NPC1: variants seen among roughly 807,000 people sequenced by gnomAD.
The protein encoded by NPC1 is NPC intracellular cholesterol transporter 1.
Under a neutral mutation model 140.4 loss-of-function variants are expected in NPC1, and 85 were observed. That is an observed-to-expected ratio of 0.61 (90% confidence interval 0.51 to 0.72). The LOEUF is 0.72. Ranked by LOEUF, NPC1 falls within the 30% of genes least tolerant of loss-of-function variation. The pLI is 0.00. For missense variants in NPC1, 1,504 were observed against 1,623.8 expected, an observed-to-expected ratio of 0.93 and a Z score of 1.27; for synonymous variants, 656 against 624.8, an observed-to-expected ratio of 1.05 and a Z score of -0.74.
downstream of NPC1, among the ~76,000 whole-genome samples, chr18:23,527,405 AAATAAT>A (rs369275891): frequency 9.9e-5 from 15 of 151,646 alleles, no homozygotes; most frequent in South Asian, 4.2e-4. Context: ...ATCCAAAAAA[AAATAAT>A]AATAATAATC....
Position 23,557,120 on chromosome 18 carries a change from T to C in NPC1, c.952A>G (p.Lys318Glu). ...NIAFSVNASD[K>E]GEASCCDPVS... ...ATTCATGGACAAATATGCCTACCTT[T>C]GTCACTTGCATTAACAGAAAAAGCT... Residue 318 changes from lysine to glutamate, a missense_variant, in exon 7 of 25, where the codon AAA becomes GAA. Lys to Glu is a moderately conservative substitution (Grantham distance 56). Transcript: ENST00000269228. 1 of 1,611,718 alleles carries C rather than the reference T, an allele frequency of 6.2e-7. No individual in the cohort carries two copies.
chr18:23,538,753 G>C, intron 19 of NPC1, 82 bp from the exon 20 acceptor site: 1 of 1,416,336 alleles, frequency 7.1e-7, no homozygotes, highest in Non-Finnish European at 9.9e-7. Flanking sequence ...CTGACAGTGA[G>C]GGGCATTACT....
intron 4 of NPC1, among the ~76,000 whole-genome samples, chr18:23,564,352 C>CTT (rs201248333): frequency 2.6e-5 from 4 of 151,652 alleles, no homozygotes; most frequent in Non-Finnish European, 5.9e-5. Flanking sequence ...TATTCTTGTC[C>CTT]TTTTTTTTGA....
In NPC1 at chr18:23,550,479, C is replaced by CTTTTT. The variant is rs68163205; in HGVS notation, c.1654+1143_1654+1147dup. 4.1e-3 allele frequency among the ~76,000 whole-genome samples: 305 copies of CTTTTT among 74,918 alleles called. 42 individuals are homozygous for CTTTTT. Among genetic ancestry groups the CTTTTT allele is most frequent in the Non-Finnish European group, 5.6e-3 (251 of 44,904 alleles). 49.1% of individuals were successfully genotyped at this position (74,918 alleles called of 152,430 possible). On this transcript the variant is annotated intron_variant, in intron 10 of 24. Coordinates refer to ENST00000269228, the MANE Select transcript of NPC1 (RefSeq NM_000271.5). ...GAATTTTCTTCCAGTTCTTACATTTCTTTTTTTTTTTTTTTTTTTTGAGAT... is the reference window on the plus strand; with the variant it reads ...GAATTTTCTTCCAGTTCTTACATTTCTTTTTTTTTTTTTTTTTTTTTTTTTGAGAT...
chr18:23,535,361 A>C (rs989043599), intron 22 of NPC1, 108 bp downstream of exon 22: 10 of 841,492 alleles, frequency 1.2e-5, no homozygotes, highest in Non-Finnish European at 1.8e-5. Flanking sequence ...AGCAAGCGCC[A>C]GACTTGGTAT....
rs1436759439 is a variant in NPC1 at position 23,512,588 on chromosome 18, AT to A, written c.432-5947del. On this transcript the variant is annotated intron_variant, in intron 3 of 3. Coordinates refer to the NPC1 transcript ENST00000591107. ...GGTGTGTGCCAGCACGCCCAACTTA[AT>A]TTTTTTTTCCTTTTTTTTTTTTTGT... Among the ~76,000 whole-genome samples the A allele has an allele frequency of 5.2e-3, 740 of 142,108 alleles. 6 individuals carry two copies. The highest frequency in any genetic ancestry group is 0.018 in the African/African-American group (700 of 38,318). The allele number at this position is 142,108 out of a possible 152,430, so 93.2% of individuals were successfully genotyped here.
downstream of NPC1, chr18:23,526,583 G>A: frequency 6.3e-7 from 1 of 1,588,676 alleles, no homozygotes; most frequent in Non-Finnish European, 8.6e-7. Context: ...CCACTTTTGG[G>A]CTTTTGTTAC....
intron 3 of NPC1, among the ~76,000 whole-genome samples, chr18:23,515,663 G>T (rs970230835): frequency 6.6e-6 from 1 of 152,164 alleles, no homozygotes; most frequent in Non-Finnish European, 1.5e-5. Context: ...CTTCTGAGTA[G>T]CTGGAATTAC....
intron 3 of NPC1, among the ~76,000 whole-genome samples, chr18:23,514,954 G>GA (rs1236762675): frequency 6.6e-6 from 1 of 152,114 alleles, no homozygotes; most frequent in Non-Finnish European, 1.5e-5. Context: ...AGGGTACATT[G>GA]AAAATGTGCC....
chr18:23,528,125 C>A, downstream of NPC1: 2 of 448,898 alleles, frequency 4.5e-6, no homozygotes, highest in Admixed American at 4.0e-5. Flanking sequence ...TTCATACCTT[C>A]ACTGTTTTTG....
Position 23,563,533 on chromosome 18 carries a change from C to T in NPC1, c.464-2006G>A, listed in dbSNP as rs139610758. ...GCCCCTCAGGCTCAAGTGATCCTCC[C>T]ACTTCAGCCTCTCAAGTAGCTGGGA... On this transcript the variant is annotated intron_variant, in intron 4 of 24. Coordinates refer to ENST00000269228, the MANE Select transcript of NPC1 (RefSeq NM_000271.5). 2.9e-3 allele frequency among the ~76,000 whole-genome samples: 448 copies of T among 152,230 alleles called. 5 individuals are homozygous for T. The highest frequency in any genetic ancestry group is 0.01 in the African/African-American group (428 of 41,540).
chr18:23,570,269 T>C (rs1409422104), intron 3 of NPC1, among the ~76,000 whole-genome samples: 2 of 152,262 alleles, frequency 1.3e-5, no homozygotes, highest in African/African-American at 4.8e-5. Flanking sequence ...TTCTCCTGTT[T>C]GCTATTATAA....
downstream of NPC1, among the ~76,000 whole-genome samples, chr18:23,524,927 T>C (rs2145247480): frequency 6.6e-6 from 1 of 150,896 alleles, no homozygotes; most frequent in South Asian, 2.1e-4. Flanking sequence ...GGGTAATCTC[T>C]TTATTAGAGA....
downstream of NPC1, among the ~76,000 whole-genome samples, chr18:23,519,519 G>GA (rs35759590): frequency 0.014 from 1,961 of 135,774 alleles, 22 homozygotes; most frequent in Non-Finnish European, 0.02. Context: ...TCCTGTCTCC[G>GA]AAAAAAAAAA....
chr18:23,547,885 C>G, intron 11 of NPC1, 121 bp downstream of exon 11: 1 of 783,458 alleles, frequency 1.3e-6, no homozygotes, highest in South Asian at 1.3e-5. Context: ...ACCAAGTGAA[C>G]AAAACTACGT....
chr18:23,518,850 A>G (rs1183187806), downstream of NPC1: 7 of 1,567,536 alleles, frequency 4.5e-6, no homozygotes, highest in African/African-American at 9.5e-5. Context: ...GGAATTTTGA[A>G]TGGCCAGATG....
At chr18:23,575,769 CAAAAAAAAAAAAAAA>C (rs35922440) in intron 1 of NPC1, among the ~76,000 whole-genome samples, 44 of 35,112 alleles carry the variant, frequency 1.3e-3, no homozygotes, top group African/African-American at 3.5e-3. Flanking sequence ...CAGAGAAGAC[CAAAAAAAAAAAAAAA>C]AAAAAAAAAA....
intron 1 of NPC1, 121 bp downstream of exon 1, chr18:23,586,166 T>C: frequency 1.9e-6 from 2 of 1,054,238 alleles, no homozygotes; most frequent in Non-Finnish European, 2.7e-6. Context: ...CTCCGAGCTC[T>C]CCATCGCCAG....
intron 1 of NPC1, chr18:23,582,238 C>G (rs2059365538): frequency 6.6e-6 from 1 of 152,126 alleles, no homozygotes; most frequent in Non-Finnish European, 1.5e-5. Flanking sequence ...AAGCAAGGGA[C>G]AGTAATAAGA....
Sources: allele counts gnomAD v4.1 joint callset (sites outside exome capture counted in the v4.1 genomes callset), GRCh38; gene constraint gnomAD v4.1.1; transcripts MANE v1.5; gene names NCBI Gene and HGNC (gene_info 2026-07-23, HGNC 2026-07-21).